ADGRL3: variants seen among roughly 807,000 people sequenced by gnomAD.
The protein encoded by ADGRL3 is calcium-independent alpha-latrotoxin receptor 3.
Under a neutral mutation model 153.5 loss-of-function variants are expected in ADGRL3, and 62 were observed. The observed-to-expected ratio is 0.40, with a 90% CI of 0.33 to 0.50. The LOEUF (loss-of-function observed/expected upper bound fraction) is 0.50. Among genes scored for constraint, ADGRL3 ranks in the 20% least tolerant of loss-of-function variants. The pLI is 0.47. For missense variants in ADGRL3, 1,641 were observed against 1,859.4 expected (o/e 0.88, Z 2.16); for synonymous variants, 710 against 672.5 (o/e 1.06, Z -0.86).
chr4:62,037,554 T>G (rs1725752150), intron 23 of ADGRL3, among the ~76,000 whole-genome samples, 177 bp from the exon 24 acceptor site: 1 of 152,078 alleles, frequency 6.6e-6, no homozygotes. Flanking sequence ...ATTTCAAGCT[T>G]GACAGTATGA....
At chr4:61,756,906 A>G (rs1167745542) in intron 8 of ADGRL3, among the ~76,000 whole-genome samples, 1 of 152,156 alleles carries the variant, frequency 6.6e-6, no homozygotes, top group Non-Finnish European at 1.5e-5. Flanking sequence ...GGTTCTGTTT[A>G]TATGCTGGAT....
intron 8 of ADGRL3, among the ~76,000 whole-genome samples, chr4:61,790,432 A>C (rs960071129): frequency 6.6e-6 from 1 of 152,188 alleles, no homozygotes; most frequent in South Asian, 2.1e-4. Flanking sequence ...GCTTATATGC[A>C]TGCTTTTTCC....
chr4:61,546,321 T>G lies in ADGRL3; in HGVS notation c.259+28803T>G, dbSNP rs926212112. On this transcript the variant is annotated intron_variant, in intron 4 of 26. Coordinates refer to ENST00000683033, the MANE Select transcript of ADGRL3 (RefSeq NM_001387552.1). ...TTACTATATGTCTGTATTACACCAG[T>G]GTGCTCATGCTGGCTTGCACTGACC... Among the ~76,000 whole-genome samples the G allele has an allele frequency of 2.0e-5, 3 of 152,332 alleles. No homozygotes were observed. The South Asian group carries it at 6.2e-4, about 32-fold the overall frequency.
intron 4 of ADGRL3, among the ~76,000 whole-genome samples, chr4:61,537,403 T>G (rs2098663600): frequency 6.6e-6 from 1 of 152,152 alleles, no homozygotes; most frequent in Admixed American, 6.5e-5. Flanking sequence ...TAATTTACTG[T>G]ATCTGGATAT....
At chr4:61,340,627 T>TA (rs1446487706) in intron 1 of ADGRL3, among the ~76,000 whole-genome samples, 1 of 152,124 alleles carries the variant, frequency 6.6e-6, no homozygotes, top group East Asian at 1.9e-4. Flanking sequence ...CTATCTCTCT[T>TA]ATGCTGTGTA....
chr4:61,307,174 C>A (rs1487928224), intron 1 of ADGRL3, among the ~76,000 whole-genome samples: 1 of 152,066 alleles, frequency 6.6e-6, no homozygotes, highest in Non-Finnish European at 1.5e-5. Flanking sequence ...AAAATCAGAC[C>A]ACAGTTTTCC....
At chr4:61,412,815 T>C (rs2097103248) in intron 2 of ADGRL3, among the ~76,000 whole-genome samples, 1 of 152,328 alleles carries the variant, frequency 6.6e-6, no homozygotes, top group Middle Eastern at 3.4e-3. Flanking sequence ...TTCTATCATT[T>C]GTTTTCATGC....
chr4:61,517,496 A>G lies in ADGRL3; in HGVS notation c.237A>G (p.Gln79=), dbSNP rs1579295529. The G allele has an allele frequency of 4.2e-6, 3 of 715,580 alleles. No homozygotes were observed. Among genetic ancestry groups the G allele is most frequent in the Non-Finnish European group, 7.6e-6 (3 of 397,330 alleles). 44.3% of individuals were successfully genotyped at this position (715,580 alleles called of 1,614,324 possible). The change falls in exon 4 of 27, where the codon CAA becomes CAG. Residue 79 remains glutamine, a synonymous_variant. Coordinates refer to ENST00000683033, the MANE Select transcript of ADGRL3 (RefSeq NM_001387552.1). ...ATRGVRGPGA[Q]GAQIAAQAFS... ...GAGGAGTTCGCGGTCCAGGTGCCCA[A>G]GGAGCACAGATTGCAGCGCAAGGTG...
intron 4 of ADGRL3, among the ~76,000 whole-genome samples, chr4:61,535,600 T>G (rs1477912547): frequency 6.6e-6 from 1 of 152,040 alleles, no homozygotes; most frequent in Admixed American, 6.6e-5. Flanking sequence ...TTTTTACTAC[T>G]GATTCATTTT....
At chr4:61,985,312 AAAGGACAGGC>A (rs2099081457) in intron 19 of ADGRL3, among the ~76,000 whole-genome samples, 1 of 152,036 alleles carries the variant, frequency 6.6e-6, no homozygotes, top group Admixed American at 6.6e-5. Context: ...AGTGTGAAGA[AAAGGACAGGC>A]AAGGTACATT....
intron 1 of ADGRL3, among the ~76,000 whole-genome samples, chr4:61,233,055 ATTTACT>A (rs1249782410): frequency 6.6e-6 from 1 of 152,168 alleles, no homozygotes; most frequent in Non-Finnish European, 1.5e-5. Flanking sequence ...TATCAAACAG[ATTTACT>A]TATATTACAA....
At chr4:61,452,430 C>G (rs1164804002) in intron 2 of ADGRL3, among the ~76,000 whole-genome samples, 1 of 152,202 alleles carries the variant, frequency 6.6e-6, no homozygotes, top group Non-Finnish European at 1.5e-5. Context: ...ATCAGGGAAT[C>G]TGACCTACAA....
At chr4:61,700,291 G>A (rs56175796) in intron 6 of ADGRL3, among the ~76,000 whole-genome samples, 33,571 of 117,626 alleles carry the variant, frequency 0.29, 3,864 homozygotes, top group East Asian at 0.36. Context: ...GTTGCCCTAA[G>A]TTTCACAATA....
intron 2 of ADGRL3, among the ~76,000 whole-genome samples, chr4:61,452,070 G>C (rs964129254): frequency 6.6e-6 from 1 of 151,772 alleles, no homozygotes; most frequent in Non-Finnish European, 1.5e-5. Flanking sequence ...TAATTCCCCA[G>C]TTGCATGGAG....
chr4:61,519,966 G>A (rs1422622220), intron 4 of ADGRL3, among the ~76,000 whole-genome samples: 1 of 152,116 alleles, frequency 6.6e-6, no homozygotes, highest in Non-Finnish European at 1.5e-5. Context: ...AGCCAAACAG[G>A]CAAGTAGGAA....
rs186405073 is a variant in ADGRL3 at position 61,536,271 on chromosome 4, G to C, written c.259+18753G>C. ...TACTTGATATTATTTCAATTCTTTC[G>C]AGTTTATTGAGACGTGCTTTATCGC... On this transcript the variant is annotated intron_variant, in intron 4 of 26. Transcript: ENST00000683033. Among the ~76,000 whole-genome samples the C allele has an allele frequency of 2.6e-4, 39 of 152,042 alleles. 1 individual carries two copies. The highest frequency in any genetic ancestry group is 9.4e-4 in the African/African-American group (39 of 41,526).
intron 8 of ADGRL3, among the ~76,000 whole-genome samples, chr4:61,793,150 T>C (rs917750608): frequency 1.3e-5 from 2 of 151,512 alleles, no homozygotes; most frequent in Non-Finnish European, 2.9e-5. Context: ...CTCAGCCGGG[T>C]GTGGTGGCTC....
intron 17 of ADGRL3, among the ~76,000 whole-genome samples, chr4:61,951,897 G>A (rs2098948597): frequency 6.6e-6 from 1 of 152,092 alleles, no homozygotes; most frequent in Non-Finnish European, 1.5e-5. Context: ...GATTAGACTG[G>A]TTGTAGTGTG....
At chr4:61,964,349 T>A (rs915976120) in intron 17 of ADGRL3, among the ~76,000 whole-genome samples, 1 of 152,206 alleles carries the variant, frequency 6.6e-6, no homozygotes, top group Non-Finnish European at 1.5e-5. Flanking sequence ...TCAAAGCCTT[T>A]AAAGCTCTTC....
Sources: allele counts gnomAD v4.1 joint callset (sites outside exome capture counted in the v4.1 genomes callset), GRCh38; gene constraint gnomAD v4.1.1; transcripts MANE v1.5; gene names NCBI Gene and HGNC (gene_info 2026-07-23, HGNC 2026-07-21).